Variants in SERINC2 observed in about 807,000 individuals in gnomAD.
SERINC2 encodes the protein tumor differentially expressed protein 2.
Under a neutral mutation model 54.2 loss-of-function variants are expected in SERINC2, and 56 were observed. That is an observed-to-expected ratio of 1.03 (90% confidence interval 0.83 to 1.29). SERINC2 has a LOEUF of 1.29. Among genes scored for constraint, SERINC2 ranks in the 50% most tolerant of loss-of-function variants. The pLI is 0.00. For synonymous variants in SERINC2, 272 were observed against 253.1 expected, an observed-to-expected ratio of 1.07 and a Z score of -0.71; for missense variants, 614 against 607.4, an observed-to-expected ratio of 1.01 and a Z score of -0.12.
chr1:31,433,558 C>G (rs1553135192), intron 9 of SERINC2, among the ~76,000 whole-genome samples: 1 of 152,076 alleles, frequency 6.6e-6, no homozygotes, highest in Non-Finnish European at 1.5e-5. Flanking sequence ...GGATAGAAGT[C>G]ATGAGGTCTG....
At chr1:31,425,491 C>G (rs2148519692) in intron 4 of SERINC2, 82 bp downstream of exon 4, 1 of 1,077,152 alleles carries the variant, frequency 9.3e-7, no homozygotes, top group Non-Finnish European at 1.4e-6. Flanking sequence ...TGGGGCTGCT[C>G]TTTGCTGGGG....
chr1:31,422,114 C>T (rs1172248689), intron 1 of SERINC2, among the ~76,000 whole-genome samples: 3 of 151,856 alleles, frequency 2.0e-5, no homozygotes, highest in Non-Finnish European at 2.9e-5. Context: ...GTCTGGGCAA[C>T]GTGGTGAAAC....
intron 1 of SERINC2, among the ~76,000 whole-genome samples, chr1:31,418,221 T>G (rs1222910700): frequency 6.6e-6 from 1 of 152,206 alleles, no homozygotes; most frequent in African/African-American, 2.4e-5. Flanking sequence ...ACATTTTGTT[T>G]ATCCATTCAT....
chr1:31,432,800 A>T (rs1641349472), intron 8 of SERINC2, among the ~76,000 whole-genome samples, 167 bp from the exon 9 acceptor site: 1 of 152,174 alleles, frequency 6.6e-6, no homozygotes, highest in South Asian at 2.1e-4. Context: ...AAGGTCACAC[A>T]GAAAATGGGA....
intron 8 of SERINC2, among the ~76,000 whole-genome samples, chr1:31,431,769 G>T (rs797025394): frequency 0.039 from 1,102 of 28,308 alleles, 45 homozygotes; most frequent in African/African-American, 0.11. Flanking sequence ...AGAGGGTGGA[G>T]AGGGTGAATA....
chr1:31,433,021 C>T lies in SERINC2; in HGVS notation c.1068C>T (p.Cys356=), dbSNP rs1641362287. ...ACAGCCTGATGCAGACCGAGGAGTGCCCACCTATGCTAGACGCCACACAGC... is the reference window on the plus strand; with the variant it reads ...ACAGCCTGATGCAGACCGAGGAGTGTCCACCTATGCTAGACGCCACACAGC... ...QVNSLMQTEE[C]PPMLDATQQQ... is the part of the protein sequence containing the mutation. Residue 356 remains cysteine (C), a synonymous_variant, in exon 9 of 10, where the codon TGC becomes TGT. Coordinates refer to ENST00000373709, the MANE Select transcript of SERINC2 (RefSeq NM_178865.5). 6.2e-7 allele frequency: 1 copy of T among 1,600,250 alleles called. No individual in the cohort carries two copies. The highest frequency in any genetic ancestry group is 1.1e-5 in the South Asian group (1 of 90,550).
upstream of SERINC2, among the ~76,000 whole-genome samples, chr1:31,411,915 C>T (rs1437249835): frequency 1.4e-5 from 2 of 142,654 alleles, no homozygotes; most frequent in Non-Finnish European, 3.0e-5. Flanking sequence ...GTGGGAGGAT[C>T]ACTTGGGTCC....
At chr1:31,409,811 T>C, upstream of SERINC2, 1 of 1,553,174 alleles carries the variant, frequency 6.4e-7, no homozygotes, top group Non-Finnish European at 8.7e-7. Flanking sequence ...ATAGGAGGGC[T>C]CAAAGCCGGC....
Position 31,413,220 on chromosome 1 carries a change from G to A in SERINC2, c.-46G>A. ...GCCCGGCACCCGGATCCCGAGGTCC[G>A]CGCCCCGCGCCCGGCGCCGGGCGCC... On this transcript the variant is annotated 5_prime_UTR_variant, in exon 1 of 10. Transcript: ENST00000373709. This position sits in a 1 kb window ranked among gnomAD's most constrained non-coding sequence, Gnocchi z 5.0. 2 of 1,103,208 alleles carry A rather than the reference G, an allele frequency of 1.8e-6. No homozygotes were observed. Among genetic ancestry groups the A allele is most frequent in the Non-Finnish European group, 1.1e-6 (1 of 909,004 alleles). 68.3% of individuals were successfully genotyped at this position (1,103,208 alleles called of 1,614,324 possible).
At chr1:31,414,878 A>G in intron 1 of SERINC2, 2 of 529,302 alleles carry the variant, frequency 3.8e-6, no homozygotes, top group Non-Finnish European at 4.8e-6. Flanking sequence ...AGTTGACAGT[A>G]ACAGGGCCTT....
intron 8 of SERINC2, among the ~76,000 whole-genome samples, chr1:31,432,358 C>T (rs1288054789): frequency 2.0e-5 from 3 of 150,098 alleles, no homozygotes; most frequent in Non-Finnish European, 4.4e-5. Context: ...ATGTCTCAAA[C>T]TATCAAATTC....
intron 1 of SERINC2, among the ~76,000 whole-genome samples, chr1:31,423,084 A>G (rs12132936): frequency 0.48 from 72,755 of 152,144 alleles, 18,071 homozygotes; most frequent in East Asian, 0.8. Flanking sequence ...TGTGTGACAG[A>G]CACTGTTCGA....
intron 5 of SERINC2, 118 bp from the exon 6 acceptor site, chr1:31,426,536 T>C: frequency 1.3e-6 from 1 of 758,786 alleles, no homozygotes; most frequent in Non-Finnish European, 2.1e-6. Context: ...ATTCTTCAAG[T>C]GGGGAAACTG....
chr1:31,410,332 C>G, upstream of SERINC2: 2 of 1,547,246 alleles, frequency 1.3e-6, no homozygotes, highest in Non-Finnish European at 1.7e-6. Context: ...ACTTCATCTC[C>G]TCAGTAGTCC....
upstream of SERINC2, among the ~76,000 whole-genome samples, chr1:31,411,827 A>G (rs1369743556): frequency 6.6e-6 from 1 of 151,938 alleles, no homozygotes; most frequent in African/African-American, 2.4e-5. Context: ...AGGAGACCTC[A>G]TCTCTACACA....
chr1:31,433,150 A>C lies in SERINC2; in HGVS notation c.1197A>C (p.Ser399=). 1.2e-6 allele frequency: 2 copies of C among 1,613,712 alleles called. No individual in the cohort carries two copies. The highest frequency in any genetic ancestry group is 1.7e-6 in the Non-Finnish European group (2 of 1,179,992). Residue 399 remains serine, a synonymous_variant, in exon 9 of 10, where the codon TCA becomes TCC. Coordinates refer to ENST00000373709, the MANE Select transcript of SERINC2 (RefSeq NM_178865.5). ...SFFHFCLVLA[S]LHVMMTLTNW... is the part of the protein sequence containing the mutation. Reference sequence around the variant, plus strand: ...TCCACTTCTGCCTGGTGCTGGCCTCACTGCACGTCATGATGACGCTCACCA... The same window carrying C: ...TCCACTTCTGCCTGGTGCTGGCCTCCCTGCACGTCATGATGACGCTCACCA...
Position 31,423,688 on chromosome 1 carries a change from C to T in SERINC2, c.40-5C>T, listed in dbSNP as rs782189685. On this transcript the variant is annotated splice_polypyrimidine_tract_variant and splice_region_variant and intron_variant, in intron 1 of 9. Transcript: ENST00000373709. Reference sequence around the variant, plus strand: ...AGAGGGAAGAGTGACAGTGCCCTCCCGCAGGCGTCCTGCCTCTGCGGCTCT... The same window carrying T: ...AGAGGGAAGAGTGACAGTGCCCTCCTGCAGGCGTCCTGCCTCTGCGGCTCT... The T allele has an allele frequency of 3.0e-5, 48 of 1,605,794 alleles. No individual in the cohort carries two copies. The highest frequency in any genetic ancestry group is 1.7e-4 in the Middle Eastern group (1 of 5,920).
chr1:31,427,257 C>T (rs182231046), intron 6 of SERINC2, among the ~76,000 whole-genome samples: 5 of 152,140 alleles, frequency 3.3e-5, no homozygotes, highest in Non-Finnish European at 5.9e-5. Flanking sequence ...TAGGAAGGTG[C>T]AATTTCACAT....
intron 1 of SERINC2, among the ~76,000 whole-genome samples, chr1:31,417,109 CAGA>C (rs1640798433): frequency 6.6e-6 from 1 of 152,176 alleles, no homozygotes; most frequent in Non-Finnish European, 1.5e-5. Context: ...ATGGCATTGT[CAGA>C]AGGAGTAGTG....
Sources: gnomAD v4.1 joint callset for allele counts (sites outside exome capture counted in the v4.1 genomes callset) on GRCh38, gnomAD v4.1.1 for gene constraint, Gnocchi (gnomAD v3.1) non-coding constraint, MANE v1.5 for transcripts, NCBI Gene and HGNC (gene_info 2026-07-23, HGNC 2026-07-21) for gene names.